The following AXDND1 variants were observed in gnomAD, a reference collection of about 807,000 sequenced individuals.
The protein encoded by AXDND1 is axonemal dynein light chain domain-containing protein 1.
AXDND1 carries 110 observed loss-of-function variants against 137.5 expected under a neutral mutation model. That is an observed-to-expected ratio of 0.80 (90% CI 0.69 to 0.94). The LOEUF (loss-of-function observed/expected upper bound fraction) is 0.94. AXDND1 is among the 40% of genes least tolerant of loss of function. The pLI is 0.00. For synonymous variants in AXDND1, 414 were observed against 399.7 expected (o/e 1.04, Z -0.43); for missense variants, 1,191 against 1,169.8 (o/e 1.02, Z -0.26).
intron 18 of AXDND1, among the ~76,000 whole-genome samples, chr1:179,483,810 T>C (rs922693385): frequency 2.0e-5 from 3 of 152,190 alleles, no homozygotes; most frequent in African/African-American, 7.2e-5. Context: ...ATTTGCAAGA[T>C]TGTAAACTCC....
chr1:179,493,464 C>T (rs1667138555), intron 20 of AXDND1, among the ~76,000 whole-genome samples: 1 of 152,054 alleles, frequency 6.6e-6, no homozygotes, highest in Admixed American at 6.6e-5. Context: ...AGTGCATATT[C>T]ATATGTAAGT....
intron 16 of AXDND1, chr1:179,455,138 G>A (rs1661134584): frequency 6.6e-6 from 1 of 151,266 alleles, no homozygotes; most frequent in South Asian, 2.1e-4. Flanking sequence ...CGCTGGTCAT[G>A]GTGGCACATG....
In AXDND1 at chr1:179,492,959, C is replaced by T; in HGVS notation, c.2388+8C>T. ...GAGGTGGATAAGTTGAAGGTAATAA[C>T]TCTGTCTTCCCCTTAGTTTTGTTTT... On this transcript the variant is annotated splice_region_variant and intron_variant, in intron 20 of 25. Transcript: ENST00000367618. The T allele has an allele frequency of 6.4e-7, 1 of 1,554,174 alleles. No individual in the cohort carries two copies. Among genetic ancestry groups the T allele is most frequent in the Non-Finnish European group, 8.8e-7 (1 of 1,141,336 alleles).
intron 16 of AXDND1, chr1:179,448,890 AT>A (rs34365013): frequency 7.8e-3 from 1,221 of 156,192 alleles, no homozygotes; most frequent in South Asian, 0.033. Flanking sequence ...TTTTGAGTTA[AT>A]TTTTTTTTTT....
At chr1:179,499,630 A>C (rs569879297) in intron 20 of AXDND1, among the ~76,000 whole-genome samples, 2 of 152,168 alleles carry the variant, frequency 1.3e-5, no homozygotes, top group Non-Finnish European at 2.9e-5. Context: ...TGGGTGTATC[A>C]TATGTTTTTG....
intron 16 of AXDND1, among the ~76,000 whole-genome samples, chr1:179,447,200 C>T (rs56837493): frequency 0.27 from 41,633 of 152,082 alleles, 5,986 homozygotes; most frequent in Non-Finnish European, 0.31. Context: ...TAATCAACCT[C>T]TCTTTATCCC....
intron 17 of AXDND1, among the ~76,000 whole-genome samples, chr1:179,480,703 A>C (rs1182212844): frequency 6.6e-6 from 1 of 152,034 alleles, no homozygotes; most frequent in Non-Finnish European, 1.5e-5. Flanking sequence ...TAGATAATAT[A>C]CTGTAGCAAC....
intron 16 of AXDND1, chr1:179,456,629 A>G: frequency 1.2e-6 from 1 of 840,018 alleles, no homozygotes; most frequent in Non-Finnish European, 2.0e-6. Context: ...CACTGCCACC[A>G]TATCCATCAC....
At chr1:179,481,601 A>G (rs1248858846) in intron 17 of AXDND1, among the ~76,000 whole-genome samples, 1 of 152,162 alleles carries the variant, frequency 6.6e-6, no homozygotes, top group Non-Finnish European at 1.5e-5. Context: ...AGTCCCACCA[A>G]CAGTGTAAAA....
At chr1:179,433,065 G>C (rs1464411117) in intron 15 of AXDND1, among the ~76,000 whole-genome samples, 1 of 152,160 alleles carries the variant, frequency 6.6e-6, no homozygotes, top group African/African-American at 2.4e-5. Context: ...TTATTGGTCT[G>C]TTCAGGGATT....
chr1:179,474,082 G>A (rs762767016), intron 17 of AXDND1, among the ~76,000 whole-genome samples: 56 of 152,030 alleles, frequency 3.7e-4, no homozygotes, highest in Non-Finnish European at 5.1e-4. Context: ...AAAATTAGTC[G>A]GGCGTGGTGG....
At chr1:179,454,632 A>G (rs1428320577) in intron 16 of AXDND1, 2 of 152,234 alleles carry the variant, frequency 1.3e-5, no homozygotes, top group African/African-American at 4.8e-5. Flanking sequence ...TGGACTGTAA[A>G]TGGGTCATCC....
intron 16 of AXDND1, among the ~76,000 whole-genome samples, chr1:179,467,125 C>A (rs1468639895): frequency 6.6e-6 from 1 of 152,134 alleles, no homozygotes; most frequent in Admixed American, 6.5e-5. Flanking sequence ...CCTCCAAAAT[C>A]CATGAAAGAT....
chr1:179,451,030 T>C (rs1483816420), intron 16 of AXDND1: 1 of 152,258 alleles, frequency 6.6e-6, no homozygotes, highest in Non-Finnish European at 1.5e-5. Flanking sequence ...TTATAAGATA[T>C]ATTTATCTGT....
intron 16 of AXDND1, among the ~76,000 whole-genome samples, chr1:179,464,842 T>C (rs956305281): frequency 3.9e-5 from 6 of 152,194 alleles, no homozygotes; most frequent in African/African-American, 1.4e-4. Context: ...TAAACTTCTC[T>C]TTTTGCTTCA....
intron 20 of AXDND1, among the ~76,000 whole-genome samples, chr1:179,498,271 A>G (rs900172987): frequency 6.6e-6 from 1 of 151,862 alleles, no homozygotes; most frequent in African/African-American, 2.4e-5. Context: ...AATAAAGTAA[A>G]CAAAACAGCA....
intron 23 of AXDND1, among the ~76,000 whole-genome samples, chr1:179,533,564 T>A (rs1671224805): frequency 6.6e-6 from 1 of 152,092 alleles, no homozygotes; most frequent in African/African-American, 2.4e-5. Flanking sequence ...CAAATCAAAT[T>A]CTTATTCACC....
chr1:179,422,849 C>T (rs186563549), intron 12 of AXDND1, among the ~76,000 whole-genome samples: 6 of 152,198 alleles, frequency 3.9e-5, no homozygotes, highest in Non-Finnish European at 7.4e-5. Flanking sequence ...CTGCAACCTC[C>T]GCCTCGTGGG....
intron 11 of AXDND1, among the ~76,000 whole-genome samples, chr1:179,397,568 C>G (rs1200594778): frequency 6.6e-6 from 1 of 152,154 alleles, no homozygotes; most frequent in Non-Finnish European, 1.5e-5. Context: ...GGATGATACC[C>G]TAAAATATGT....
Sources: gnomAD v4.1 joint callset for allele counts (sites outside exome capture counted in the v4.1 genomes callset) on GRCh38, gnomAD v4.1.1 for gene constraint, MANE v1.5 for transcripts, NCBI Gene and HGNC (gene_info 2026-07-23, HGNC 2026-07-21) for gene names.